Variants in SCUBE3 observed in about 807,000 individuals in gnomAD.
The protein encoded by SCUBE3 is signal peptide, CUB domain and EGF like domain containing 3.
In SCUBE3, 33 loss-of-function variants were observed where a neutral mutation model predicts 116.8. The ratio of observed to expected loss-of-function variants is 0.28; its 90% confidence interval spans 0.21 to 0.38. The LOEUF is 0.38. Among genes scored for constraint, SCUBE3 ranks in the 10% least tolerant of loss-of-function variants. SCUBE3 has a pLI of 1.00. For missense variants in SCUBE3, 1,007 were observed against 1,324.8 expected, an observed-to-expected ratio of 0.76 and a Z score of 3.72; for synonymous variants, 418 against 496.9, an observed-to-expected ratio of 0.84 and a Z score of 2.11.
intron 21 of SCUBE3, 93 bp downstream of exon 21, chr6:35,246,378 C>A: frequency 2.2e-6 from 2 of 906,106 alleles, no homozygotes; most frequent in Non-Finnish European, 3.6e-6. Context: ...AATATTCTCA[C>A]TTGATAGACA....
At chr6:35,230,202 G>T (rs1019912454) in intron 3 of SCUBE3, among the ~76,000 whole-genome samples, 4 of 152,168 alleles carry the variant, frequency 2.6e-5, no homozygotes, top group African/African-American at 9.7e-5. Flanking sequence ...AACTCCTTTG[G>T]GAAGGGAAGC....
chr6:35,224,690 A>G (rs1783256094), intron 1 of SCUBE3: 1 of 151,386 alleles, frequency 6.6e-6, no homozygotes. Flanking sequence ...TGTGGTGATC[A>G]GCATCAAGAT....
rs1349689506 is a variant in SCUBE3, at chr6:35,240,699, T to A, written c.1069+209T>A. 6.6e-6 allele frequency among the ~76,000 whole-genome samples: 1 copy of A among 152,206 alleles called. No individual in the cohort carries two copies. The highest frequency in any genetic ancestry group is 1.5e-5 in the Non-Finnish European group (1 of 68,036). ...AACAGCATCCTGCCTCCAAAATTCC[T>A]ATCTCCCATTCCTATAACTGTCCCT... On this transcript the variant is annotated intron_variant, in intron 9 of 21. Transcript: ENST00000274938. The surrounding 1 kb of genome is among the most constrained non-coding windows in gnomAD (Gnocchi z 4.6).
rs953229527 is a variant in SCUBE3, at chr6:35,241,418, G to C, written c.1196-125G>C. ...TTGAGTTAAAGACATGAAATTTGTAGTAAACAATCCCATCATCAGTCTCCA... is the reference window on the plus strand; with the variant it reads ...TTGAGTTAAAGACATGAAATTTGTACTAAACAATCCCATCATCAGTCTCCA... On this transcript the variant is annotated intron_variant, in intron 10 of 21. Coordinates refer to ENST00000274938, the MANE Select transcript of SCUBE3 (RefSeq NM_152753.4). The surrounding 1 kb of genome is among the most constrained non-coding windows in gnomAD (Gnocchi z 4.1). 34 of 1,134,882 alleles carry C rather than the reference G, an allele frequency of 3.0e-5. No individual in the cohort carries two copies. Among genetic ancestry groups the C allele is most frequent in the South Asian group, 5.5e-5 (4 of 73,342 alleles). 70.3% of individuals were successfully genotyped at this position (1,134,882 alleles called of 1,614,324 possible). A position where few individuals can be genotyped will look rare whatever the true frequency, so the allele number is the denominator to read the frequency against.
chr6:35,234,485 C>T (rs1783678982), intron 6 of SCUBE3, among the ~76,000 whole-genome samples: 1 of 152,156 alleles, frequency 6.6e-6, no homozygotes, highest in African/African-American at 2.4e-5. Context: ...TTTCTAAAGT[C>T]CCTATATAAT....
chr6:35,226,626 G>T (rs1407948977), intron 1 of SCUBE3, among the ~76,000 whole-genome samples: 1 of 151,722 alleles, frequency 6.6e-6, no homozygotes, highest in Non-Finnish European at 1.5e-5. Flanking sequence ...GGGATTACAG[G>T]CACACATCAC....
chr6:35,233,349 G>A lies in SCUBE3; in HGVS notation c.712+48G>A, dbSNP rs369566817. ...TCAGTCCACCTGAGATGGGGTGGGG[G>A]TGGGACCCTTTGGGAACCAGGGAAG... On this transcript the variant is annotated intron_variant, in intron 6 of 21. Coordinates refer to ENST00000274938, the MANE Select transcript of SCUBE3 (RefSeq NM_152753.4). This position sits in a 1 kb window ranked among gnomAD's most constrained non-coding sequence, Gnocchi z 5.7. 4.3e-6 allele frequency: 5 copies of A among 1,150,872 alleles called. No homozygotes were observed. Among genetic ancestry groups the A allele is most frequent in the Non-Finnish European group, 5.3e-6 (4 of 761,274 alleles). 71.3% of individuals were successfully genotyped at this position (1,150,872 alleles called of 1,614,324 possible).
At chr6:35,229,084 A>G (rs1019277920) in intron 3 of SCUBE3, among the ~76,000 whole-genome samples, 3 of 152,064 alleles carry the variant, frequency 2.0e-5, no homozygotes, top group African/African-American at 4.8e-5. Flanking sequence ...AAATCAGCCA[A>G]TCTCTGGAAA....
chr6:35,222,812 C>T (rs1783165736), intron 1 of SCUBE3: 1 of 152,242 alleles, frequency 6.6e-6, no homozygotes, highest in Non-Finnish European at 1.5e-5. Flanking sequence ...CATTTCCCCA[C>T]ACCAGGCCTG....
chr6:35,217,906 C>A (rs74965856), intron 1 of SCUBE3, among the ~76,000 whole-genome samples: 1,779 of 152,300 alleles, frequency 0.012, 37 homozygotes, highest in African/African-American at 0.041. Flanking sequence ...TTTGACCTCT[C>A]TTCTCTCATG....
Position 35,243,374 on chromosome 6 carries a change from C to A in SCUBE3, c.1909+138C>A. 1 of 893,602 alleles carries A rather than the reference C, an allele frequency of 1.1e-6. No homozygotes were observed. Among genetic ancestry groups the A allele is most frequent in the Non-Finnish European group, 1.7e-6 (1 of 582,112 alleles). The allele number at this position is 893,602 out of a possible 1,614,324, so 55.4% of individuals were successfully genotyped here. On this transcript the variant is annotated intron_variant, in intron 15 of 21. Transcript: ENST00000274938. The surrounding 1 kb of genome is among the most constrained non-coding windows in gnomAD (Gnocchi z 6.6). ...ATGCTCCTGCCCGCTGTCCTCCCTT[C>A]CTTGGTTCCAGGCTGAAATCTAGAA...
In SCUBE3 at chr6:35,243,006, G is replaced by A; in HGVS notation, c.1694-15G>A. On this transcript the variant is annotated splice_polypyrimidine_tract_variant and intron_variant, in intron 14 of 21. Transcript: ENST00000274938. The surrounding 1 kb of genome is among the most constrained non-coding windows in gnomAD (Gnocchi z 6.6). ...CTCTTTCTCCTCCCTGATACACACGGCCATCCACCACCAGCCAGCTGTGGG... is the reference window on the plus strand; with the variant it reads ...CTCTTTCTCCTCCCTGATACACACGACCATCCACCACCAGCCAGCTGTGGG... 1.9e-6 allele frequency: 3 copies of A among 1,612,010 alleles called. No individual in the cohort carries two copies. Among genetic ancestry groups the A allele is most frequent in the Non-Finnish European group, 2.5e-6 (3 of 1,178,366 alleles).
In SCUBE3 at chr6:35,245,441, A is replaced by T; in HGVS notation, c.2599+16A>T. On this transcript the variant is annotated intron_variant, in intron 19 of 21. Transcript: ENST00000274938. This position sits in a 1 kb window ranked among gnomAD's most constrained non-coding sequence, Gnocchi z 4.2. ...AGAAAGAACTGTGGGTGGCTTGCAGAGCTGGGCCAGGGAAGGGCAGTCCAA... is the reference window on the plus strand; with the variant it reads ...AGAAAGAACTGTGGGTGGCTTGCAGTGCTGGGCCAGGGAAGGGCAGTCCAA... The T allele has an allele frequency of 6.2e-7, 1 of 1,611,028 alleles. No individual in the cohort carries two copies. The highest frequency in any genetic ancestry group is 1.1e-5 in the South Asian group (1 of 91,010).
At chr6:35,234,030 G>A (rs923838555) in intron 6 of SCUBE3, among the ~76,000 whole-genome samples, 1 of 152,100 alleles carries the variant, frequency 6.6e-6, no homozygotes, top group African/African-American at 2.4e-5. Context: ...CCCTCTTCCT[G>A]AATTCTTAGG....
At chr6:35,216,589 A>G (rs1173752613) in intron 1 of SCUBE3, among the ~76,000 whole-genome samples, 3 of 152,208 alleles carry the variant, frequency 2.0e-5, no homozygotes, top group Non-Finnish European at 2.9e-5. Context: ...TGCAGGAAGA[A>G]CTAGTACTGA....
chr6:35,232,709 C>A lies in SCUBE3; in HGVS notation c.470-141C>A. 1.3e-6 allele frequency: 1 copy of A among 779,710 alleles called. No homozygotes were observed. The highest frequency in any genetic ancestry group is 2.6e-5 in the East Asian group (1 of 38,008). 48.3% of individuals were successfully genotyped at this position (779,710 alleles called of 1,614,324 possible). ...TGTGGGGAAGACAGGAGGCCTGGGA[C>A]AAGGAGAGTCAGTCCCCTCGTGTTG... On this transcript the variant is annotated intron_variant, in intron 4 of 21. Transcript: ENST00000274938. The surrounding 1 kb of genome is among the most constrained non-coding windows in gnomAD (Gnocchi z 4.2).
rs201742691 is a variant in SCUBE3 at position 35,243,929 on chromosome 6, T to G, written c.2072-34T>G. On this transcript the variant is annotated intron_variant, in intron 16 of 21. Coordinates refer to ENST00000274938, the MANE Select transcript of SCUBE3 (RefSeq NM_152753.4). The surrounding 1 kb of genome is among the most constrained non-coding windows in gnomAD (Gnocchi z 6.6). ...ACCCCATGGGGATGACTCAGGACCA[T>G]CCCCATCAGAGTTGGGCCCTTGATT... 136 of 1,605,678 alleles carry G rather than the reference T, an allele frequency of 8.5e-5. No homozygotes were observed. In the African/African-American group the frequency reaches 1.4e-3, roughly 17 times the overall value.
chr6:35,220,746 T>C (rs2150284467), intron 1 of SCUBE3: 1 of 152,364 alleles, frequency 6.6e-6, no homozygotes, highest in African/African-American at 2.4e-5. Flanking sequence ...TTGAGCAGGC[T>C]AAGCTTGAGT....
In SCUBE3 at chr6:35,243,768, C is replaced by T. The variant is rs368444972; in HGVS notation, c.2071+13C>T. The T allele has an allele frequency of 7.4e-6, 12 of 1,612,082 alleles. No individual in the cohort carries two copies. In the African/African-American group the frequency reaches 1.6e-4, roughly 22 times the overall value. On this transcript the variant is annotated intron_variant, in intron 16 of 21. Transcript: ENST00000274938. The surrounding 1 kb of genome is among the most constrained non-coding windows in gnomAD (Gnocchi z 6.6). ...ACCACGTGTGCAGGTGCCAGGGGAA[C>T]AAACAATACAGAGTGGGGTAGGGTG... is the stretch of plus-strand genomic sequence containing the variant.
Sources: allele counts gnomAD v4.1 joint callset (sites outside exome capture counted in the v4.1 genomes callset), GRCh38; gene constraint gnomAD v4.1.1; non-coding constraint Gnocchi (gnomAD v3.1); transcripts MANE v1.5; gene names NCBI Gene and HGNC (gene_info 2026-07-23, HGNC 2026-07-21).